Variants in ACYP2 observed in about 807,000 individuals in gnomAD.
ACYP2 encodes acylphosphatase-2.
In ACYP2, 12 loss-of-function variants were observed where a neutral mutation model predicts 11.2. The ratio of observed to expected loss-of-function variants is 1.08; its 90% CI spans 0.69 to 1.74. The LOEUF (loss-of-function observed/expected upper bound fraction) is 1.74. ACYP2 is among the 40% of genes most tolerant of loss of function. ACYP2 has a pLI of 0.00. For synonymous variants in ACYP2, 43 were observed against 32.2 expected (o/e 1.33, Z -1.13); for missense variants, 134 against 101.9 (o/e 1.31, Z -1.35).
chr2:54,094,782 C>T (rs1044406776), intron 4 of ACYP2, among the ~76,000 whole-genome samples: 6 of 152,140 alleles, frequency 3.9e-5, no homozygotes, highest in African/African-American at 2.4e-5. Flanking sequence ...AAGTGATCCG[C>T]CCACCTCAGT....
intron 6 of ACYP2, chr2:54,255,575 G>GC: frequency 6.2e-7 from 1 of 1,612,530 alleles, no homozygotes. Flanking sequence ...AGGGGCCCGG[G>GC]CCCGGGCCCA....
Position 54,272,335 on chromosome 2 carries a change from C to G in ACYP2, c.405-32353C>G, listed in dbSNP as rs1176184095. 3.3e-5 allele frequency among the ~76,000 whole-genome samples: 5 copies of G among 152,166 alleles called. No homozygotes were observed. In the South Asian group the frequency reaches 8.3e-4, roughly 25 times the overall value. ...TGGCAGGTTTATCTCTACCCAGGAG[C>G]TGCATTGACCATGAACTTTGGCCAG... On this transcript the variant is annotated intron_variant, in intron 6 of 6. Coordinates refer to ENST00000607452, the MANE Select transcript of ACYP2 (RefSeq NM_001320586.2).
intron 6 of ACYP2, among the ~76,000 whole-genome samples, chr2:54,252,610 TA>T (rs1440486322): frequency 6.6e-6 from 1 of 152,162 alleles, no homozygotes; most frequent in African/African-American, 2.4e-5. Context: ...CATCCATTCA[TA>T]AGGAAAGATC....
chr2:54,286,093 CA>C (rs1322078957), intron 6 of ACYP2, among the ~76,000 whole-genome samples: 1 of 150,140 alleles, frequency 6.7e-6, no homozygotes, highest in Non-Finnish European at 1.5e-5. Flanking sequence ...ACCTACTGAA[CA>C]CCATAGCTTA....
At chr2:54,301,504 A>T (rs1320684563) in intron 6 of ACYP2, among the ~76,000 whole-genome samples, 3 of 152,084 alleles carry the variant, frequency 2.0e-5, no homozygotes, top group African/African-American at 7.2e-5. Flanking sequence ...GAGGAAAGGA[A>T]TTCCATTTTA....
chr2:54,201,668 T>G (rs1572927674), intron 6 of ACYP2, among the ~76,000 whole-genome samples: 1 of 109,928 alleles, frequency 9.1e-6, no homozygotes, highest in African/African-American at 3.5e-5. Context: ...CTTTCTTTCT[T>G]TCTTTCTTTC....
At chr2:54,206,849 C>A (rs1685091526) in intron 6 of ACYP2, among the ~76,000 whole-genome samples, 1 of 152,154 alleles carries the variant, frequency 6.6e-6, no homozygotes, top group South Asian at 2.1e-4. Context: ...TTGTTCGGGG[C>A]AGGCTTTTTG....
intron 6 of ACYP2, among the ~76,000 whole-genome samples, chr2:54,281,683 C>T (rs1415001647): frequency 6.6e-6 from 1 of 152,144 alleles, no homozygotes; most frequent in Non-Finnish European, 1.5e-5. Context: ...AAAGCTTACT[C>T]TTGTGAATCA....
At chr2:54,043,785 C>G (rs1437310966) in intron 2 of ACYP2, among the ~76,000 whole-genome samples, 1 of 152,080 alleles carries the variant, frequency 6.6e-6, no homozygotes, top group Non-Finnish European at 1.5e-5. Context: ...TGCATCTAAC[C>G]TTATTCATAA....
intron 4 of ACYP2, among the ~76,000 whole-genome samples, chr2:54,073,901 T>C (rs950498845): frequency 6.6e-6 from 1 of 152,222 alleles, no homozygotes; most frequent in Non-Finnish European, 1.5e-5. Context: ...GGCATGGATG[T>C]GGAGACATTG....
intron 4 of ACYP2, among the ~76,000 whole-genome samples, chr2:54,120,132 TTGTC>T (rs1321607948): frequency 3.9e-5 from 6 of 152,236 alleles, no homozygotes; most frequent in Non-Finnish European, 8.8e-5. Context: ...GTGATAGTGT[TTGTC>T]TGGTTTCTCC....
chr2:54,107,751 A>C (rs1410468605), intron 4 of ACYP2, among the ~76,000 whole-genome samples: 1 of 152,182 alleles, frequency 6.6e-6, no homozygotes, highest in East Asian at 1.9e-4. Context: ...ATAATGAATC[A>C]AAACCTTTGG....
chr2:54,077,930 G>A (rs951247420), intron 4 of ACYP2, among the ~76,000 whole-genome samples: 2 of 151,526 alleles, frequency 1.3e-5, no homozygotes, highest in African/African-American at 4.8e-5. Context: ...AACCCCCTCA[G>A]TCTACTGAAG....
intron 6 of ACYP2, among the ~76,000 whole-genome samples, chr2:54,192,149 C>A (rs1050734161): frequency 1.3e-5 from 2 of 152,078 alleles, no homozygotes; most frequent in African/African-American, 4.8e-5. Flanking sequence ...ACACAGAAGA[C>A]GTGTATATAT....
At chr2:54,208,640 A>G (rs1237145558) in intron 6 of ACYP2, among the ~76,000 whole-genome samples, 2 of 152,000 alleles carry the variant, frequency 1.3e-5, no homozygotes, top group African/African-American at 4.8e-5. Context: ...TGGCTTAGTG[A>G]TTCACTTAAG....
chr2:54,238,481 C>A lies in ACYP2; in HGVS notation c.405-66207C>A, dbSNP rs183155441. ...AAAGTGGAGAAGGCAGAATAACAAA[C>A]TAAGTAAGTCTTTTAATTTGTATGG... On this transcript the variant is annotated intron_variant, in intron 6 of 6. Coordinates refer to ENST00000607452, the MANE Select transcript of ACYP2 (RefSeq NM_001320586.2). 3.7e-4 allele frequency among the ~76,000 whole-genome samples: 57 copies of A among 152,236 alleles called. No homozygotes were observed. In the South Asian group the frequency reaches 0.012, roughly 32 times the overall value.
intron 2 of ACYP2, among the ~76,000 whole-genome samples, chr2:54,013,317 T>G (rs779914025): frequency 7.0e-4 from 91 of 130,344 alleles, no homozygotes; most frequent in Non-Finnish European, 1.1e-3. Flanking sequence ...GTGTGTGTGT[T>G]TTGAGACAGA....
Position 54,111,196 on chromosome 2 carries a change from A to G in ACYP2, c.278-24257A>G, listed in dbSNP as rs113861251. On this transcript the variant is annotated intron_variant, in intron 4 of 6. Transcript: ENST00000607452. Reference sequence around the variant, plus strand: ...AACTGGCATAGCCTAACAAGGGAGCAGCAGTCAAGAATTCCAAGTGGGGTG... The same window carrying G: ...AACTGGCATAGCCTAACAAGGGAGCGGCAGTCAAGAATTCCAAGTGGGGTG... Among the ~76,000 whole-genome samples, 1,366 of 152,326 alleles carry G rather than the reference A, an allele frequency of 9.0e-3. 28 individuals are homozygous for G. Among genetic ancestry groups the G allele is most frequent in the African/African-American group, 0.031 (1,295 of 41,560 alleles).
intron 4 of ACYP2, chr2:54,065,413 TA>T (rs1450117676): frequency 2.5e-6 from 1 of 398,450 alleles, no homozygotes. Context: ...TATACATACA[TA>T]AACTTGTTGG....
Sources: gnomAD v4.1 joint callset for allele counts (sites outside exome capture counted in the v4.1 genomes callset) on GRCh38, gnomAD v4.1.1 for gene constraint, MANE v1.5 for transcripts, NCBI Gene and HGNC (gene_info 2026-07-23, HGNC 2026-07-21) for gene names.